Variants in CALN1 observed in about 807,000 individuals in gnomAD.
CALN1 encodes calcium-binding protein 8.
CALN1 carries 17 observed loss-of-function variants against 30.6 expected under a neutral mutation model. The ratio of observed to expected loss-of-function variants is 0.56; its 90% CI spans 0.38 to 0.83. The LOEUF is 0.83. Ranked by LOEUF, CALN1 falls within the 40% of genes least tolerant of loss-of-function variation. The pLI is 0.00. For synonymous variants in CALN1, 156 were observed against 131.4 expected, an observed-to-expected ratio of 1.19 and a Z score of -1.28; for missense variants, 291 against 354.9, an observed-to-expected ratio of 0.82 and a Z score of 1.45.
intron 3 of CALN1, among the ~76,000 whole-genome samples, chr7:72,168,027 C>G (rs915036195): frequency 3.9e-5 from 6 of 152,154 alleles, no homozygotes; most frequent in African/African-American, 1.4e-4. Flanking sequence ...GGAATTATTG[C>G]CTGGGCAAGA....
At chr7:72,122,170 T>C (rs1212215009) in intron 3 of CALN1, among the ~76,000 whole-genome samples, 2 of 152,106 alleles carry the variant, frequency 1.3e-5, no homozygotes, top group East Asian at 3.9e-4. Context: ...GAGTGGAATG[T>C]ATCCGTGAAC....
chr7:72,123,242 G>A (rs1353315031), intron 3 of CALN1, among the ~76,000 whole-genome samples: 1 of 152,162 alleles, frequency 6.6e-6, no homozygotes, highest in African/African-American at 2.4e-5. Context: ...CTGCCTGCTA[G>A]AAGTGAGCAG....
intron 2 of CALN1, among the ~76,000 whole-genome samples, chr7:72,381,797 C>T (rs1804919523): frequency 6.6e-6 from 1 of 152,116 alleles, no homozygotes; most frequent in Non-Finnish European, 1.5e-5. Flanking sequence ...CAGCAAACCA[C>T]CATGGCACAT....
intron 3 of CALN1, among the ~76,000 whole-genome samples, chr7:72,239,933 A>C (rs1272996210): frequency 6.6e-6 from 1 of 152,198 alleles, no homozygotes; most frequent in Non-Finnish European, 1.5e-5. Context: ...ACACAAGCCA[A>C]GGGTGGAAGG....
the CALN1 span, among the ~76,000 whole-genome samples, chr7:72,474,807 C>T: frequency 6.6e-6 from 1 of 152,212 alleles, no homozygotes; most frequent in Non-Finnish European, 1.5e-5. Context: ...CCTCTTGCCG[C>T]TTCTGCACAT....
intron 5 of CALN1, among the ~76,000 whole-genome samples, chr7:71,953,654 G>T (rs1005003785): frequency 2.0e-5 from 3 of 152,092 alleles, no homozygotes; most frequent in African/African-American, 7.2e-5. Context: ...AATAATTGTT[G>T]ATAAAGTTTC....
chr7:71,813,123 A>G (rs747728909), intron 5 of CALN1, among the ~76,000 whole-genome samples: 1 of 151,772 alleles, frequency 6.6e-6, no homozygotes, highest in Non-Finnish European at 1.5e-5. Context: ...TAATTTTTGT[A>G]TTTTTAGTAG....
chr7:72,417,360 C>G (rs923041441), intron 1 of CALN1, among the ~76,000 whole-genome samples: 1 of 152,210 alleles, frequency 6.6e-6, no homozygotes, highest in East Asian at 1.9e-4. Context: ...CCAACAAAAT[C>G]AGGTTGCAGG....
chr7:72,103,131 A>C (rs1345774741), intron 4 of CALN1: 29 of 150,848 alleles, frequency 1.9e-4, no homozygotes, highest in Admixed American at 1.9e-3. Flanking sequence ...AGCAATGAAA[A>C]TGTTCTAAAA....
At chr7:72,260,835 A>G (rs1796219675) in intron 3 of CALN1, among the ~76,000 whole-genome samples, 1 of 152,128 alleles carries the variant, frequency 6.6e-6, no homozygotes, top group South Asian at 2.1e-4. Context: ...AGTGCCCTAC[A>G]AATTGCACAG....
intron 2 of CALN1, among the ~76,000 whole-genome samples, chr7:72,325,001 GC>G (rs1369129131): frequency 1.3e-5 from 2 of 152,108 alleles, no homozygotes; most frequent in Non-Finnish European, 2.9e-5. Context: ...GAGAATTTCA[GC>G]GTTTACTTAA....
the CALN1 span, among the ~76,000 whole-genome samples, chr7:72,499,820 TCCTTCC>T: frequency 1.5e-5 from 1 of 66,560 alleles, no homozygotes; most frequent in East Asian, 4.2e-4. Context: ...CTTCCTTCCT[TCCTTCC>T]TTCTTTCTTT....
chr7:71,798,838 C>G (rs563209404), intron 6 of CALN1, among the ~76,000 whole-genome samples: 2 of 151,908 alleles, frequency 1.3e-5, no homozygotes, highest in Admixed American at 1.3e-4. Flanking sequence ...GTTGGCCAGG[C>G]TGGTCTCCAA....
chr7:71,876,087 AGGG>A (rs1792229043), intron 5 of CALN1, among the ~76,000 whole-genome samples: 1 of 152,202 alleles, frequency 6.6e-6, no homozygotes, highest in Non-Finnish European at 1.5e-5. Context: ...GACAGTTAAC[AGGG>A]AAAGAAAAAA....
intron 5 of CALN1, among the ~76,000 whole-genome samples, chr7:72,014,330 G>A (rs569522110): frequency 2.8e-4 from 43 of 152,064 alleles, no homozygotes; most frequent in Admixed American, 7.9e-4. Flanking sequence ...CAGGTGATCC[G>A]CCCACCTCAG....
chr7:72,332,980 G>C (rs1056553717), intron 2 of CALN1, among the ~76,000 whole-genome samples: 6 of 152,056 alleles, frequency 3.9e-5, no homozygotes, highest in African/African-American at 1.4e-4. Context: ...TGAGTCCCTG[G>C]GTCCTGACTA....
intron 3 of CALN1, among the ~76,000 whole-genome samples, chr7:72,232,808 A>G (rs1473455103): frequency 6.6e-6 from 1 of 152,192 alleles, no homozygotes; most frequent in Non-Finnish European, 1.5e-5. Flanking sequence ...AACATATGAT[A>G]TATTGAAATT....
At chr7:71,988,203 T>C (rs930616845) in intron 5 of CALN1, among the ~76,000 whole-genome samples, 4 of 152,116 alleles carry the variant, frequency 2.6e-5, no homozygotes, top group African/African-American at 9.7e-5. Flanking sequence ...CCATCAACCC[T>C]AGGAGGTGTG....
At chr7:72,336,980 C>T (rs1006483587) in intron 2 of CALN1, 35 of 985,170 alleles carry the variant, frequency 3.6e-5, no homozygotes, top group African/African-American at 1.7e-5. Context: ...TGGGCGCGTG[C>T]CTCCCTGTCC....
Sources: gnomAD v4.1 joint callset for allele counts (sites outside exome capture counted in the v4.1 genomes callset) on GRCh38, gnomAD v4.1.1 for gene constraint, MANE v1.5 for transcripts, NCBI Gene and HGNC (gene_info 2026-07-23, HGNC 2026-07-21) for gene names.